TTLL11: variants seen among roughly 807,000 people sequenced by gnomAD.
TTLL11 encodes the protein tubulin tyrosine ligase like 11.
Under a neutral mutation model 51.7 loss-of-function variants are expected in TTLL11, and 42 were observed. The observed-to-expected ratio is 0.81, with a 90% confidence interval of 0.64 to 1.05. TTLL11 has a LOEUF of 1.05. Among genes scored for constraint, TTLL11 ranks in the 50% least tolerant of loss-of-function variants. The probability of loss-of-function intolerance (pLI) is 0.00; values close to 1 mark genes in which losing one functional copy is unlikely to be tolerated. For synonymous variants in TTLL11, 381 were observed against 383.5 expected, an observed-to-expected ratio of 0.99 and a Z score of 0.08; for missense variants, 799 against 940.4, an observed-to-expected ratio of 0.85 and a Z score of 1.97.
chr9:122,070,867 T>C (rs1459819178), intron 1 of TTLL11, among the ~76,000 whole-genome samples: 1 of 152,120 alleles, frequency 6.6e-6, no homozygotes, highest in Admixed American at 6.5e-5. Context: ...CTCCCTGCCA[T>C]TCAGCCTTGG....
intron 6 of TTLL11, among the ~76,000 whole-genome samples, chr9:121,911,444 C>T (rs1356645275): frequency 6.6e-6 from 1 of 151,972 alleles, no homozygotes; most frequent in Non-Finnish European, 1.5e-5. Flanking sequence ...GGGTATATAC[C>T]CTAAGGATTA....
chr9:122,086,264 G>T (rs1197055871), intron 1 of TTLL11, among the ~76,000 whole-genome samples: 1 of 152,186 alleles, frequency 6.6e-6, no homozygotes, highest in Non-Finnish European at 1.5e-5. Flanking sequence ...GATTCATGAA[G>T]CTATTACCCG....
chr9:122,023,887 A>G (rs1396341898), intron 3 of TTLL11, among the ~76,000 whole-genome samples: 1 of 152,132 alleles, frequency 6.6e-6, no homozygotes, highest in Non-Finnish European at 1.5e-5. Flanking sequence ...CATAACCCCT[A>G]AGATCAGGAA....
intron 6 of TTLL11, among the ~76,000 whole-genome samples, chr9:121,932,159 T>A (rs1245604796): frequency 1.3e-5 from 2 of 152,106 alleles, no homozygotes; most frequent in African/African-American, 4.8e-5. Flanking sequence ...TTCTTGAGAG[T>A]TGACCTTTAA....
At chr9:121,964,285 C>CTTTTTTTTTGTTT (rs143673197) in intron 6 of TTLL11, among the ~76,000 whole-genome samples, 1,695 of 150,870 alleles carry the variant, frequency 0.011, 19 homozygotes, top group African/African-American at 0.031. Flanking sequence ...ATTTCTTTTC[C>CTTTTTTTTTGTTT]TTTTTTTTGT....
rs1235687213 is a variant in TTLL11 at position 122,093,182 on chromosome 9, C to T, written c.-34G>A. The T allele has an allele frequency of 1.5e-6, 2 of 1,363,544 alleles. No individual in the cohort carries two copies. Among genetic ancestry groups the T allele is most frequent in the African/African-American group, 1.5e-5 (1 of 65,752 alleles). The allele number at this position is 1,363,544 out of a possible 1,614,324, so 84.5% of individuals were successfully genotyped here. On this transcript the variant is annotated 5_prime_UTR_variant, in exon 1 of 9. Coordinates refer to ENST00000321582, the MANE Select transcript of TTLL11 (RefSeq NM_001139442.2). ...GGGCCGGGGCCAGTGCCAGTGCCAC[C>T]GCCGCCGCCGCCGCCGCTCCGCCGC... is the stretch of plus-strand genomic sequence containing the variant.
At chr9:121,986,544 T>C (rs1842946005) in intron 4 of TTLL11, among the ~76,000 whole-genome samples, 1 of 152,190 alleles carries the variant, frequency 6.6e-6, no homozygotes, top group African/African-American at 2.4e-5. Flanking sequence ...TTAAGCCACC[T>C]ACCTGATGGC....
At chr9:122,061,029 T>C (rs1000347675) in intron 1 of TTLL11, among the ~76,000 whole-genome samples, 1 of 152,166 alleles carries the variant, frequency 6.6e-6, no homozygotes, top group African/African-American at 2.4e-5. Context: ...CTCTGAAGAC[T>C]CCAAGGGAGA....
intron 6 of TTLL11, among the ~76,000 whole-genome samples, chr9:121,970,597 A>G (rs2131644985): frequency 6.6e-6 from 1 of 152,384 alleles, no homozygotes; most frequent in Admixed American, 6.5e-5. Flanking sequence ...GATATGAAAA[A>G]AAGCTCATCA....
chr9:121,899,402 T>TATACATATATATATATATATATATATAC (rs1465376759), intron 6 of TTLL11, among the ~76,000 whole-genome samples: 4 of 82,750 alleles, frequency 4.8e-5, no homozygotes, highest in Non-Finnish European at 1.1e-4. Flanking sequence ...TATATATATA[T>TATACATATATATATATATATATATATAC]ACACACACAC....
At position 121,817,711 on chromosome 9, in the gene TTLL11, A is replaced by T. The variant is rs1452612318; in HGVS notation, c.*4876T>A. The T allele has an allele frequency of 6.6e-6, 1 of 152,282 alleles. No individual in the cohort carries two copies. Among genetic ancestry groups the T allele is most frequent in the African/African-American group, 2.4e-5 (1 of 41,442 alleles). The allele number at this position is 152,282 out of a possible 1,614,324, so 9.4% of individuals were successfully genotyped here. A position where few individuals can be genotyped will look rare whatever the true frequency, so the allele number is the denominator to read the frequency against. Reference sequence around the variant, plus strand: ...TGGGGAGTGCTGAGGCACCGTGCAGAACCGAGGAAGTGCCGAGGAAGGAGT... The same window carrying T: ...TGGGGAGTGCTGAGGCACCGTGCAGTACCGAGGAAGTGCCGAGGAAGGAGT... On this transcript the variant is annotated 3_prime_UTR_variant, in exon 9 of 9. Coordinates refer to ENST00000321582, the MANE Select transcript of TTLL11 (RefSeq NM_001139442.2).
chr9:122,085,635 CT>C (rs1212598962), intron 1 of TTLL11, among the ~76,000 whole-genome samples: 10 of 152,128 alleles, frequency 6.6e-5, no homozygotes, highest in East Asian at 1.9e-4. Flanking sequence ...AATTTTCCCC[CT>C]GTTTAAGAAA....
At chr9:122,013,661 C>T (rs1843881797) in intron 3 of TTLL11, among the ~76,000 whole-genome samples, 1 of 152,174 alleles carries the variant, frequency 6.6e-6, no homozygotes, top group Non-Finnish European at 1.5e-5. Flanking sequence ...CAGTTCCTCA[C>T]CTGGGAGGGG....
At chr9:121,960,657 C>T (rs180784250) in intron 6 of TTLL11, among the ~76,000 whole-genome samples, 3 of 152,322 alleles carry the variant, frequency 2.0e-5, no homozygotes, top group Admixed American at 2.0e-4. Context: ...CATTCATGCA[C>T]GTATGCATAC....
At chr9:121,882,623 C>G (rs1301750936) in intron 6 of TTLL11, among the ~76,000 whole-genome samples, 1 of 152,122 alleles carries the variant, frequency 6.6e-6, no homozygotes, top group East Asian at 1.9e-4. Context: ...TTGACCTGCT[C>G]CCTGCCCACA....
intron 2 of TTLL11, among the ~76,000 whole-genome samples, chr9:122,034,613 T>A (rs940059784): frequency 6.6e-6 from 1 of 151,990 alleles, no homozygotes; most frequent in African/African-American, 2.4e-5. Context: ...AGGGAAAGAG[T>A]TTCTGGCCCC....
At chr9:121,880,621 G>A (rs2131416348) in intron 6 of TTLL11, among the ~76,000 whole-genome samples, 1 of 152,272 alleles carries the variant, frequency 6.6e-6, no homozygotes, top group East Asian at 1.9e-4. Context: ...ATAACTGTCT[G>A]CTTAATGCCT....
chr9:121,881,647 C>T (rs1010818034), intron 6 of TTLL11, among the ~76,000 whole-genome samples: 1 of 152,320 alleles, frequency 6.6e-6, no homozygotes, highest in South Asian at 2.1e-4. Flanking sequence ...ACATTTGTAT[C>T]CCACTTTCCA....
At chr9:122,078,822 T>C (rs530842348) in intron 1 of TTLL11, among the ~76,000 whole-genome samples, 3 of 152,264 alleles carry the variant, frequency 2.0e-5, no homozygotes, top group South Asian at 4.1e-4. Context: ...CAAGACATAA[T>C]GCATCTTGGG....
Sources: allele counts gnomAD v4.1 joint callset (sites outside exome capture counted in the v4.1 genomes callset), GRCh38; gene constraint gnomAD v4.1.1; transcripts MANE v1.5; gene names NCBI Gene and HGNC (gene_info 2026-07-23, HGNC 2026-07-21).